Variants in CACTIN observed in about 807,000 individuals in gnomAD.
CACTIN encodes cactin, spliceosome C complex subunit, also known as splicing factor Cactin.
Under a neutral mutation model 84.9 loss-of-function variants are expected in CACTIN, and 20 were observed. The observed-to-expected ratio is 0.24, with a 90% CI of 0.17 to 0.34. CACTIN has a LOEUF of 0.34. CACTIN is among the 10% of genes least tolerant of loss of function. CACTIN has a pLI of 1.00. For missense variants in CACTIN, 897 were observed against 1,117.2 expected, an observed-to-expected ratio of 0.80 and a Z score of 2.81; for synonymous variants, 549 against 467.9, an observed-to-expected ratio of 1.17 and a Z score of -2.24.
chr19:3,621,979 C>A lies in CACTIN; in HGVS notation c.643-1177G>T, dbSNP rs374632698. Among the ~76,000 whole-genome samples, 3 of 152,196 alleles carry A rather than the reference C, an allele frequency of 2.0e-5. No homozygotes were observed. The East Asian group carries it at 5.8e-4, about 29-fold the overall frequency. ...CAGCCCACACGTTGCCTGCTCCACC[C>A]CCTCCACAAGTGGATGCTGCTTCAG... On this transcript the variant is annotated intron_variant, in intron 2 of 9. Transcript: ENST00000429344.
intron 2 of CACTIN, chr19:3,621,022 G>A (rs1037201307): frequency 1.1e-5 from 7 of 655,542 alleles, no homozygotes; most frequent in East Asian, 2.8e-5. Flanking sequence ...GTATGCAAAG[G>A]GTAAGAAGGG....
intron 6 of CACTIN, 184 bp from the exon 7 acceptor site, chr19:3,614,773 AG>A (rs1281366019): frequency 3.3e-6 from 2 of 614,566 alleles, no homozygotes; most frequent in Non-Finnish European, 5.8e-6. Context: ...AGCGGAGGGG[AG>A]GGGGTGGGCG....
rs755106240 is a variant in CACTIN at position 3,623,937 on chromosome 19, C to G, written c.393G>C (p.Ala131=). The part of the protein sequence containing the change: ...PGRSQSPRAA[A]AALSQQQSLQ... ...GGCTCTGCTGCTGGCTCAGGGCAGC[C>G]GCGGCCGCCCGGGGGCTCTGGGATC... Residue 131 remains alanine (A), a synonymous_variant, in exon 2 of 10, where the codon GCG becomes GCC. Coordinates refer to ENST00000429344, the MANE Select transcript of CACTIN (RefSeq NM_001080543.2). 6.2e-7 allele frequency: 1 copy of G among 1,603,194 alleles called. No homozygotes were observed. Among genetic ancestry groups the G allele is most frequent in the South Asian group, 1.1e-5 (1 of 90,890 alleles).
intron 6 of CACTIN, 35 bp from the exon 7 acceptor site, chr19:3,614,624 A>T: frequency 6.5e-7 from 1 of 1,545,958 alleles, no homozygotes; most frequent in African/African-American, 1.4e-5. Flanking sequence ...GGGCGGTTCC[A>T]CATTTCCTAC....
At chr19:3,621,097 T>C (rs1414836967) in intron 2 of CACTIN, 2 of 501,526 alleles carry the variant, frequency 4.0e-6, no homozygotes, top group Non-Finnish European at 7.3e-6. Context: ...AGGAGGGCCT[T>C]GCTCGGGGCC....
intron 6 of CACTIN, 162 bp from the exon 7 acceptor site, chr19:3,614,751 C>T (rs2033067564): frequency 3.1e-6 from 2 of 641,616 alleles, no homozygotes; most frequent in Admixed American, 4.8e-5. Flanking sequence ...AGGTTGTCCC[C>T]ACCCTGGCCA....
intron 6 of CACTIN, among the ~76,000 whole-genome samples, chr19:3,617,983 A>C (rs997321154): frequency 6.6e-6 from 1 of 152,210 alleles, no homozygotes; most frequent in African/African-American, 2.4e-5. Flanking sequence ...TGAGGGCTGC[A>C]AATGACACTG....
chr19:3,620,094 CTG>C, intron 4 of CACTIN, 31 bp downstream of exon 4: 1 of 1,605,082 alleles, frequency 6.2e-7, no homozygotes, highest in Non-Finnish European at 8.5e-7. Flanking sequence ...GGCTCCAAGT[CTG>C]GGTCGGAGGG....
At chr19:3,625,916 A>G (rs2033322976) in intron 1 of CACTIN, among the ~76,000 whole-genome samples, 1 of 152,140 alleles carries the variant, frequency 6.6e-6, no homozygotes, top group Admixed American at 6.5e-5. Flanking sequence ...CAAGTGCCCC[A>G]TCTCCAGAAG....
chr19:3,615,467 A>C lies in CACTIN; in HGVS notation c.1163-878T>G, dbSNP rs768965. On this transcript the variant is annotated intron_variant, in intron 6 of 9. Transcript: ENST00000429344. This position sits in a 1 kb window ranked among gnomAD's most constrained non-coding sequence, Gnocchi z 5.2. ...CTGCCACCTCTGGGCCTTTGCACGC[A>C]CTGTGCTTCCTGCCAGCTACCCATC... The C allele has an allele frequency of 6.5e-6, 1 of 153,050 alleles. No homozygotes were observed. The highest frequency in any genetic ancestry group is 2.4e-5 in the African/African-American group (1 of 41,442). 9.5% of individuals were successfully genotyped at this position (153,050 alleles called of 1,614,324 possible).
intron 6 of CACTIN, among the ~76,000 whole-genome samples, chr19:3,618,497 C>T (rs2033154160): frequency 2.0e-5 from 3 of 152,262 alleles, no homozygotes; most frequent in Admixed American, 2.0e-4. Flanking sequence ...CAGGTAGCGC[C>T]CTGAAGCTGG....
At chr19:3,624,223 C>T in intron 1 of CACTIN, 61 bp from the exon 2 acceptor site, 1 of 1,409,994 alleles carries the variant, frequency 7.1e-7, no homozygotes, top group East Asian at 2.3e-5. Flanking sequence ...TCCACAGATG[C>T]TTACTGGGTG....
chr19:3,614,022 G>C (rs891437914), intron 7 of CACTIN: 1 of 463,090 alleles, frequency 2.2e-6, no homozygotes, highest in Non-Finnish European at 4.0e-6. Context: ...CGCTGGGAGG[G>C]CGCAGGCCTG....
At chr19:3,620,008 T>G in intron 4 of CACTIN, 119 bp downstream of exon 4, 1 of 1,218,306 alleles carries the variant, frequency 8.2e-7, no homozygotes, top group Non-Finnish European at 1.1e-6. Flanking sequence ...GAAGGGAAGG[T>G]CCCAGGAAGT....
At chr19:3,620,661 C>T in intron 3 of CACTIN, 46 bp downstream of exon 3, 1 of 1,503,736 alleles carries the variant, frequency 6.7e-7, no homozygotes, top group South Asian at 1.2e-5. Context: ...GGCCTCCAGG[C>T]CCTGGAAAGG....
intron 2 of CACTIN, chr19:3,621,108 A>G (rs1434379891): frequency 1.5e-5 from 7 of 482,570 alleles, no homozygotes; most frequent in East Asian, 4.1e-5. Context: ...GCTCGGGGCC[A>G]CCCCAGCCCC....
rs2032937744 is a variant in CACTIN at position 3,611,120 on chromosome 19, G to T, written c.*803C>A. 1 of 382,256 alleles carries T rather than the reference G, an allele frequency of 2.6e-6. No individual in the cohort carries two copies. The highest frequency in any genetic ancestry group is 2.1e-5 in the African/African-American group (1 of 47,832). The allele number at this position is 382,256 out of a possible 1,614,324, so 23.7% of individuals were successfully genotyped here. A position where few individuals can be genotyped will look rare whatever the true frequency, so the allele number is the denominator to read the frequency against. ...CCTTCTCCAACCCCCAGCCTTCGGG[G>T]AGCCCCTGCCCTCCAGGCCCTGTGC... On this transcript the variant is annotated 3_prime_UTR_variant, in exon 10 of 10. Transcript: ENST00000429344.
At chr19:3,626,148 C>T (rs1399389746) in intron 1 of CACTIN, among the ~76,000 whole-genome samples, 1 of 152,056 alleles carries the variant, frequency 6.6e-6, no homozygotes, top group African/African-American at 2.4e-5. Context: ...ACAATTGTGC[C>T]GTCCTACTCT....
At chr19:3,614,620 TTCCACATTTCCTACGTGCTCC>T (rs767652211) in intron 6 of CACTIN, 31 bp from the exon 7 acceptor site, 41 of 1,556,326 alleles carry the variant, frequency 2.6e-5, no homozygotes, top group Non-Finnish European at 3.3e-5. Flanking sequence ...GGGGGGGCGG[TTCCACATTTCCTACGTGCTCC>T]TCCACCCCAT....
Sources: allele counts gnomAD v4.1 joint callset (sites outside exome capture counted in the v4.1 genomes callset), GRCh38; gene constraint gnomAD v4.1.1; non-coding constraint Gnocchi (gnomAD v3.1); transcripts MANE v1.5; gene names NCBI Gene and HGNC (gene_info 2026-07-23, HGNC 2026-07-21).